Variants in FBLN1 observed in about 807,000 individuals in gnomAD.
The protein encoded by FBLN1 is fibulin-1.
Under a neutral mutation model 89.7 loss-of-function variants are expected in FBLN1, and 34 were observed. That is an observed-to-expected ratio of 0.38 (90% confidence interval 0.29 to 0.50). The LOEUF is 0.50. FBLN1 is among the 20% of genes least tolerant of loss of function. The pLI, the probability that FBLN1 is intolerant of heterozygous loss-of-function variation, is 0.92. For synonymous variants in FBLN1, 393 were observed against 391.3 expected (o/e 1.00, Z -0.05); for missense variants, 777 against 988.1 (o/e 0.79, Z 2.86).
chr22:45,584,928 A>G (rs2089071989), intron 16 of FBLN1, among the ~76,000 whole-genome samples: 1 of 152,214 alleles, frequency 6.6e-6, no homozygotes. Flanking sequence ...TTCATTCAAC[A>G]AGAACATCCT....
At chr22:45,565,132 C>T (rs749319307) in intron 14 of FBLN1, 19 of 1,583,472 alleles carry the variant, frequency 1.2e-5, no homozygotes, top group East Asian at 2.3e-5. Flanking sequence ...GCCAGGTTTG[C>T]ACCAGCCTCG....
intron 3 of FBLN1, among the ~76,000 whole-genome samples, 175 bp from the exon 4 acceptor site, chr22:45,527,672 C>T (rs2088347406): frequency 6.6e-6 from 1 of 152,124 alleles, no homozygotes; most frequent in Non-Finnish European, 1.5e-5. Context: ...AGGGGGATGG[C>T]CTTGCTTTGC....
In FBLN1 at chr22:45,576,813, C is replaced by T. The variant is rs1043225826; in HGVS notation, c.1841-164C>T. On this transcript the variant is annotated intron_variant, in intron 15 of 16. Transcript: ENST00000327858. The surrounding 1 kb of genome is among the most constrained non-coding windows in gnomAD (Gnocchi z 5.2). ...CTATGATATAGGAAGGTCCAGACCC[C>T]TCCACCCTCCCCACACAGGGGATCT... Among the ~76,000 whole-genome samples the T allele has an allele frequency of 6.6e-6, 1 of 152,170 alleles. No homozygotes were observed. The highest frequency in any genetic ancestry group is 1.5e-5 in the Non-Finnish European group (1 of 68,026).
chr22:45,595,715 A>G (rs75493028), intron 16 of FBLN1, among the ~76,000 whole-genome samples: 3,197 of 122,122 alleles, frequency 0.026, no homozygotes, highest in South Asian at 0.038. Flanking sequence ...GTATGTTTCT[A>G]AGAATTCAGC....
chr22:45,556,106 C>T lies in FBLN1; in HGVS notation c.1697+5491C>T, dbSNP rs763819063. Reference sequence around the variant, plus strand: ...CACGTCCCGAGTTCAAGTGATTATCCTGCCTCAGCCTCCTGAGTAGCTGAG... The same window carrying T: ...CACGTCCCGAGTTCAAGTGATTATCTTGCCTCAGCCTCCTGAGTAGCTGAG... On this transcript the variant is annotated intron_variant, in intron 14 of 16. Coordinates refer to ENST00000327858, the MANE Select transcript of FBLN1 (RefSeq NM_006486.3). This position sits in a 1 kb window ranked among gnomAD's most constrained non-coding sequence, Gnocchi z 4.6. Among the ~76,000 whole-genome samples the T allele has an allele frequency of 2.0e-5, 3 of 152,176 alleles. No individual in the cohort carries two copies. The highest frequency in any genetic ancestry group is 4.4e-5 in the Non-Finnish European group (3 of 68,038).
At chr22:45,512,923 TTTTTGTTGTTGTTGTTC>T (rs1304929969) in intron 1 of FBLN1, among the ~76,000 whole-genome samples, 9 of 152,168 alleles carry the variant, frequency 5.9e-5, no homozygotes, top group South Asian at 4.1e-4. Flanking sequence ...ATGCCTGGCC[TTTTTGTTGTTGTTGTTC>T]TTTTGTTGTT....
In FBLN1 at chr22:45,549,729, G is replaced by C. The variant is rs2088677095; in HGVS notation, c.1574-763G>C. On this transcript the variant is annotated intron_variant, in intron 13 of 16. Coordinates refer to ENST00000327858, the MANE Select transcript of FBLN1 (RefSeq NM_006486.3). The surrounding 1 kb of genome is among the most constrained non-coding windows in gnomAD (Gnocchi z 5.7). Reference sequence around the variant, plus strand: ...GCACCTCTTAATGGATGTCTCCCAGGGTTGGTGACAGCCCCTGAGCCCCAC... The same window carrying C: ...GCACCTCTTAATGGATGTCTCCCAGCGTTGGTGACAGCCCCTGAGCCCCAC... Among the ~76,000 whole-genome samples, 1 of 152,142 alleles carries C rather than the reference G, an allele frequency of 6.6e-6. No homozygotes were observed. Among genetic ancestry groups the C allele is most frequent in the South Asian group, 2.1e-4 (1 of 4,828 alleles).
Position 45,532,066 on chromosome 22 carries a change from C to T in FBLN1, c.544+742C>T, listed in dbSNP as rs577473393. Among the ~76,000 whole-genome samples, 5 of 152,334 alleles carry T rather than the reference C, an allele frequency of 3.3e-5. No homozygotes were observed. Among genetic ancestry groups the T allele is most frequent in the African/African-American group, 1.2e-4 (5 of 41,576 alleles). ...ATGGAACATTCTGGCATGTCTAGAC[C>T]TGCAGATCTGCCTCACAAGCTCTTT... On this transcript the variant is annotated intron_variant, in intron 5 of 16. Transcript: ENST00000327858. This position sits in a 1 kb window ranked among gnomAD's most constrained non-coding sequence, Gnocchi z 4.2.
chr22:45,546,260 C>T (rs894625460), intron 11 of FBLN1, among the ~76,000 whole-genome samples: 12 of 152,174 alleles, frequency 7.9e-5, no homozygotes, highest in Non-Finnish European at 1.0e-4. Context: ...CTCTGTCGCC[C>T]AGGCTGGAGT....
rs5845717 is a variant in FBLN1 at position 45,547,386 on chromosome 22, G to GTT, written c.1441+208_1441+209dup. 1.9e-3 allele frequency among the ~76,000 whole-genome samples: 100 copies of GTT among 53,724 alleles called. 11 individuals carry two copies. The highest frequency in any genetic ancestry group is 2.3e-3 in the Admixed American group (7 of 2,992). 35.2% of individuals were successfully genotyped at this position (53,724 alleles called of 152,430 possible). On this transcript the variant is annotated intron_variant, in intron 12 of 16. Transcript: ENST00000327858. ...GTTTGCTGTTTTCCCTCCAACTGAG[G>GTT]TTTTTTTTTTTTTTTTTTTTTTTTT...
chr22:45,533,408 G>T (rs973978048), intron 6 of FBLN1, among the ~76,000 whole-genome samples: 4 of 152,186 alleles, frequency 2.6e-5, no homozygotes, highest in African/African-American at 7.2e-5. Flanking sequence ...GTCTAACCAG[G>T]TTCCGGATCC....
chr22:45,543,482 GT>G lies in FBLN1; in HGVS notation c.1279del (p.Ser427ProfsTer104). 6.2e-7 allele frequency: 1 copy of G among 1,613,924 alleles called. No homozygotes were observed. The highest frequency in any genetic ancestry group is 8.5e-7 in the Non-Finnish European group (1 of 1,180,012). On this transcript the variant is annotated frameshift_variant, in exon 11 of 17. Transcript: ENST00000327858. LOFTEE classifies it high-confidence loss of function. ...ACGCTGGGCTCCTACCTCTGCAGCT[GT>G]TCCGTGGGCTTCCGGCTCTCTGTGG... ...ENTLGSYLCS[C>X]SVGFRLSVDG... is the part of the protein sequence containing the mutation.
chr22:45,589,164 G>A (rs372106515), intron 16 of FBLN1, among the ~76,000 whole-genome samples: 2 of 150,354 alleles, frequency 1.3e-5, no homozygotes, highest in African/African-American at 4.9e-5. Context: ...TATATAACTT[G>A]CTCCTCATAG....
At chr22:45,523,283 G>A (rs2088275654) in intron 2 of FBLN1, 1 of 626,840 alleles carries the variant, frequency 1.6e-6, no homozygotes, top group Non-Finnish European at 3.0e-6. Context: ...CCAGATACAA[G>A]GGTAACCAGG....
At chr22:45,599,270 C>A (rs1004732483) in intron 16 of FBLN1, among the ~76,000 whole-genome samples, 1 of 152,228 alleles carries the variant, frequency 6.6e-6, no homozygotes, top group African/African-American at 2.4e-5. Context: ...CTCCCTGCAC[C>A]ACCCATCCTC....
intron 12 of FBLN1, 64 bp from the exon 13 acceptor site, chr22:45,548,549 G>C: frequency 6.2e-7 from 1 of 1,606,854 alleles, no homozygotes; most frequent in Non-Finnish European, 8.5e-7. Context: ...GGGCGATGTA[G>C]CATGGCCAGC....
rs951265385 is a variant in FBLN1 at position 45,550,887 on chromosome 22, C to T, written c.1697+272C>T. 1.9e-6 allele frequency: 1 copy of T among 520,050 alleles called. No homozygotes were observed. Among genetic ancestry groups the T allele is most frequent in the South Asian group, 2.1e-5 (1 of 48,538 alleles). 32.2% of individuals were successfully genotyped at this position (520,050 alleles called of 1,614,324 possible). A position where few individuals can be genotyped will look rare whatever the true frequency, so the allele number is the denominator to read the frequency against. On this transcript the variant is annotated intron_variant, in intron 14 of 16. Transcript: ENST00000327858. The surrounding 1 kb of genome is among the most constrained non-coding windows in gnomAD (Gnocchi z 8.4). ...CACAGAACCAGGAGAAACCACAGCC[C>T]TCTTTTTTCCTAGGGTGGAAGCCTT...
intron 12 of FBLN1, 29 bp from the exon 13 acceptor site, chr22:45,548,584 T>G: frequency 6.2e-7 from 1 of 1,613,128 alleles, no homozygotes; most frequent in Non-Finnish European, 8.5e-7. Flanking sequence ...GCCAGGACAC[T>G]GAGGCTGAGG....
intron 10 of FBLN1, among the ~76,000 whole-genome samples, chr22:45,542,920 C>T (rs2088576212): frequency 6.6e-6 from 1 of 152,252 alleles, no homozygotes; most frequent in African/African-American, 2.4e-5. Context: ...CCCGGCTCTC[C>T]CACTGACTTC....
Sources: allele counts gnomAD v4.1 joint callset (sites outside exome capture counted in the v4.1 genomes callset), GRCh38; gene constraint gnomAD v4.1.1; non-coding constraint Gnocchi (gnomAD v3.1); transcripts MANE v1.5; gene names NCBI Gene and HGNC (gene_info 2026-07-23, HGNC 2026-07-21).